The following ACSBG1 variants were observed in gnomAD, a reference collection of about 807,000 sequenced individuals.
ACSBG1 encodes acyl-CoA synthetase bubblegum family member 1.
A neutral mutation model predicts 80.2 loss-of-function variants in ACSBG1; 39 were observed. The ratio of observed to expected loss-of-function variants is 0.49; its 90% confidence interval spans 0.38 to 0.64. ACSBG1 has a LOEUF of 0.64. Ranked by LOEUF, ACSBG1 falls within the 30% of genes least tolerant of loss-of-function variation. ACSBG1 has a pLI of 0.00. For synonymous variants in ACSBG1, 392 were observed against 379.5 expected (o/e 1.03, Z -0.38); for missense variants, 828 against 966.4 (o/e 0.86, Z 1.90).
At chr15:78,207,853 G>C in intron 2 of ACSBG1, 149 bp downstream of exon 2, 3 of 650,808 alleles carry the variant, frequency 4.6e-6, no homozygotes, top group Non-Finnish European at 8.2e-6. Flanking sequence ...GGCTTGGTGG[G>C]GTCCCTGGGA....
chr15:78,219,470 T>C (rs1381720497), intron 1 of ACSBG1, among the ~76,000 whole-genome samples: 1 of 145,500 alleles, frequency 6.9e-6, no homozygotes, highest in Admixed American at 6.9e-5. Context: ...ATCCAAAGGG[T>C]AGAGAGAGAA....
intron 1 of ACSBG1, among the ~76,000 whole-genome samples, chr15:78,225,823 GC>G (rs1275204805): frequency 6.6e-6 from 1 of 152,182 alleles, no homozygotes; most frequent in African/African-American, 2.4e-5. Context: ...AGGAATCTAG[GC>G]ATGGGCTAGC....
In ACSBG1 at chr15:78,194,582, C is replaced by A. The variant is rs145302078; in HGVS notation, c.377G>T (p.Arg126Leu). The A allele has an allele frequency of 1.4e-5, 22 of 1,614,124 alleles. No individual in the cohort carries two copies. The highest frequency in any genetic ancestry group is 1.7e-5 in the Non-Finnish European group (20 of 1,180,044). The change falls in exon 3 of 14, where the codon CGC becomes CTC. Residue 126 changes from arginine to leucine, a missense_variant. Physicochemically the swap from Arg to Leu is moderately radical, Grantham distance 102. Around this residue, in one of 3 missense-constraint regions of ACSBG1, gnomAD observed 356 missense variants for 363.5 expected, o/e 0.98. Coordinates refer to ENST00000258873, the MANE Select transcript of ACSBG1 (RefSeq NM_015162.5). ...YGDLIALGFK[R>L]QDKWEHISYS... ...GGAGATGTGTTCCCACTTGTCCTGGCGCTTGAAGCCCAAAGCGATGAGGTC... is the reference window on the plus strand; with the variant it reads ...GGAGATGTGTTCCCACTTGTCCTGGAGCTTGAAGCCCAAAGCGATGAGGTC...
chr15:78,207,917 T>TCCCCCCCACCACCC, intron 2 of ACSBG1, 85 bp downstream of exon 2: 1 of 876,066 alleles, frequency 1.1e-6, no homozygotes, highest in Admixed American at 2.0e-5. Context: ...TGTGTGGTGG[T>TCCCCCCCACCACCC]CCCCCACACC....
intron 2 of ACSBG1, among the ~76,000 whole-genome samples, chr15:78,195,216 G>T (rs75706820): frequency 6.6e-6 from 1 of 152,312 alleles, no homozygotes; most frequent in African/African-American, 2.4e-5. Flanking sequence ...TCTCCAGCCT[G>T]AAGTCTCCCA....
rs1318353314 is a variant in ACSBG1 at position 78,232,160 on chromosome 15, C to T, written c.131+2211G>A. Among the ~76,000 whole-genome samples the T allele has an allele frequency of 2.6e-5, 4 of 152,206 alleles. No individual in the cohort carries two copies. The East Asian group carries it at 7.7e-4, about 29-fold the overall frequency. On this transcript the variant is annotated intron_variant, in intron 1 of 13. Transcript: ENST00000258873. ...CTTATGCTTTGAAAACATTTTCATA[C>T]ACATTAGCTGATGGAATCCACCCAA...
chr15:78,194,378 G>A (rs971565964), intron 3 of ACSBG1, 128 bp downstream of exon 3: 2 of 866,930 alleles, frequency 2.3e-6, no homozygotes, highest in African/African-American at 3.4e-5. Context: ...CACGCACAAT[G>A]ACAGCTTTTA....
Position 78,193,917 on chromosome 15 carries a change from G to A in ACSBG1, c.542+15C>T. The stretch of plus-strand genomic sequence containing the variant: ...CCAACCCCCTGGAGACCCCGTCCCT[G>A]CCCCCGCCACTCACCCTGCAAATAC... On this transcript the variant is annotated intron_variant, in intron 4 of 13. Coordinates refer to ENST00000258873, the MANE Select transcript of ACSBG1 (RefSeq NM_015162.5). 1 of 1,613,102 alleles carries A rather than the reference G, an allele frequency of 6.2e-7. No individual in the cohort carries two copies. The highest frequency in any genetic ancestry group is 8.5e-7 in the Non-Finnish European group (1 of 1,179,648).
intron 1 of ACSBG1, among the ~76,000 whole-genome samples, chr15:78,217,813 C>T (rs1021138920): frequency 1.3e-5 from 2 of 152,122 alleles, no homozygotes; most frequent in African/African-American, 4.8e-5. Flanking sequence ...GATCCGCCTG[C>T]CTCGGCCTCC....
chr15:78,179,025 G>A, intron 10 of ACSBG1, 194 bp from the exon 11 acceptor site: 1 of 599,770 alleles, frequency 1.7e-6, no homozygotes, highest in East Asian at 2.8e-5. Context: ...ATGAAGGAAG[G>A]AAGGAACAAA....
chr15:78,211,442 T>A (rs1189093606), intron 1 of ACSBG1, among the ~76,000 whole-genome samples: 1 of 152,240 alleles, frequency 6.6e-6, no homozygotes, highest in Non-Finnish European at 1.5e-5. Flanking sequence ...GCATTTTGAA[T>A]TCCCAGGAGG....
chr15:78,205,969 C>A (rs1045746845), intron 2 of ACSBG1, among the ~76,000 whole-genome samples: 2 of 152,178 alleles, frequency 1.3e-5, no homozygotes, highest in South Asian at 4.1e-4. Context: ...GCGGTGGACA[C>A]GCCATCCATG....
intron 8 of ACSBG1, 134 bp from the exon 9 acceptor site, chr15:78,181,070 G>A (rs1316273420): frequency 4.2e-6 from 4 of 962,116 alleles, no homozygotes; most frequent in South Asian, 1.8e-5. Context: ...ACGCAAGGGT[G>A]GCACATACTG....
rs2074788721 is a variant in ACSBG1 at position 78,169,165 on chromosome 15, G to A, written c.*2279C>T. ...CAAAATCTGTGCAAAAGATGCAGGT[G>A]GATGTCCCTAGGTCTGTTTTCAAAG... On this transcript the variant is annotated 3_prime_UTR_variant, in exon 14 of 14. Transcript: ENST00000258873. The A allele has an allele frequency of 2.1e-6, 1 of 466,062 alleles. No homozygotes were observed. The highest frequency in any genetic ancestry group is 4.2e-5 in the South Asian group (1 of 23,814). 28.9% of individuals were successfully genotyped at this position (466,062 alleles called of 1,614,324 possible). A position where few individuals can be genotyped will look rare whatever the true frequency, so the allele number is the denominator to read the frequency against.
Position 78,180,919 on chromosome 15 carries a change from C to T in ACSBG1, c.1089G>A (p.Thr363=), listed in dbSNP as rs147846122. The change falls in exon 9 of 14, where the codon ACG becomes ACA. Residue 363 remains threonine (T), a synonymous_variant. Transcript: ENST00000258873. ...PDALKGSLVN[T]LREVEPTSHM... is the part of the protein sequence containing the mutation. ...GTGATGTGGGCTCCACCTCCCGCAG[C>T]GTGTTCACCAGGCTCCCCTGTTCAC... is the stretch of plus-strand genomic sequence containing the variant. 3.7e-6 allele frequency: 6 copies of T among 1,613,932 alleles called. No homozygotes were observed. Among genetic ancestry groups the T allele is most frequent in the South Asian group, 2.2e-5 (2 of 91,070 alleles).
intron 5 of ACSBG1, among the ~76,000 whole-genome samples, chr15:78,183,433 C>T (rs559957545): frequency 5.9e-5 from 9 of 151,968 alleles, no homozygotes; most frequent in South Asian, 4.2e-4. Context: ...AAAAATTAGC[C>T]GGGTGTGGTG....
intron 1 of ACSBG1, among the ~76,000 whole-genome samples, chr15:78,219,821 A>T (rs1393468190): frequency 1.3e-5 from 2 of 152,120 alleles, no homozygotes; most frequent in African/African-American, 4.8e-5. Flanking sequence ...CGTCTCTATT[A>T]AAAATACAAA....
At chr15:78,189,267 T>G (rs2075035096) in intron 5 of ACSBG1, among the ~76,000 whole-genome samples, 5 of 150,000 alleles carry the variant, frequency 3.3e-5, no homozygotes, top group Admixed American at 3.3e-4. Context: ...GTGTGCCGAT[T>G]CCTCAGGGAT....
chr15:78,193,931 C>G lies in ACSBG1; in HGVS notation c.542+1G>C. Reference sequence around the variant, plus strand: ...ACCCCGTCCCTGCCCCCGCCACTCACCCTGCAAATACTGTGCCCACTGCCG... The same window carrying G: ...ACCCCGTCCCTGCCCCCGCCACTCAGCCTGCAAATACTGTGCCCACTGCCG... On this transcript the variant is annotated splice_donor_variant, in intron 4 of 13. Transcript: ENST00000258873. LOFTEE classifies it high-confidence loss of function. 1 of 1,613,906 alleles carries G rather than the reference C, an allele frequency of 6.2e-7. No individual in the cohort carries two copies. Among genetic ancestry groups the G allele is most frequent in the Non-Finnish European group, 8.5e-7 (1 of 1,179,960 alleles).
Sources: allele counts gnomAD v4.1 joint callset (sites outside exome capture counted in the v4.1 genomes callset), GRCh38; gene constraint gnomAD v4.1.1; regional missense constraint gnomAD v4.1.1; transcripts MANE v1.5; gene names NCBI Gene and HGNC (gene_info 2026-07-23, HGNC 2026-07-21).